ANAPC15: variants seen among roughly 807,000 people sequenced by gnomAD.
The protein encoded by ANAPC15 is anaphase promoting complex subunit 15, also known as anaphase-promoting complex subunit 15.
Under a neutral mutation model 19.8 loss-of-function variants are expected in ANAPC15, and 13 were observed. The observed-to-expected ratio is 0.66, with a 90% CI of 0.43 to 1.04. ANAPC15 has a LOEUF of 1.04. Ranked by LOEUF, ANAPC15 falls within the 50% of genes least tolerant of loss-of-function variation. The pLI is 0.00. For missense variants in ANAPC15, 88 were observed against 150.3 expected (o/e 0.59, Z 2.17); for synonymous variants, 45 against 50.7 (o/e 0.89, Z 0.47).
chr11:72,111,543 T>A (rs1946943952), intron 1 of ANAPC15, 47 bp from the exon 2 acceptor site: 1 of 322,136 alleles, frequency 3.1e-6, no homozygotes, highest in African/African-American at 2.1e-5. Flanking sequence ...AAAGTTATTC[T>A]GATAATTAAG....
At chr11:72,110,701 G>T in intron 3 of ANAPC15, 98 bp from the exon 4 acceptor site, 1 of 1,331,910 alleles carries the variant, frequency 7.5e-7, no homozygotes, top group Non-Finnish European at 1.1e-6. Flanking sequence ...ACCCACACGT[G>T]TTGGGGAGAA....
chr11:72,107,834 A>G (rs573743151), downstream of ANAPC15: 7 of 1,436,124 alleles, frequency 4.9e-6, no homozygotes, highest in Non-Finnish European at 6.7e-6. Flanking sequence ...TGGGAGCTGC[A>G]GTGAGGCAGG....
chr11:72,110,692 C>T, intron 3 of ANAPC15, 89 bp from the exon 4 acceptor site: 1 of 1,431,086 alleles, frequency 7.0e-7, no homozygotes, highest in South Asian at 1.2e-5. Context: ...CAGAAGACAA[C>T]CCACACGTGT....
intron 4 of ANAPC15, 66 bp from the exon 5 acceptor site, chr11:72,110,291 C>T: frequency 6.2e-7 from 1 of 1,604,992 alleles, no homozygotes; most frequent in Non-Finnish European, 8.5e-7. Flanking sequence ...AACTGACCCA[C>T]TTGAGCCTCT....
chr11:72,110,350 C>G lies in ANAPC15; in HGVS notation c.181-125G>C, dbSNP rs962791943. The G allele has an allele frequency of 1.9e-6, 3 of 1,567,354 alleles. No homozygotes were observed. The Admixed American group carries it at 5.2e-5, about 27-fold the overall frequency. Reference sequence around the variant, plus strand: ...CTACCCCGACACTCCCTCCTTGAGTCTAGCAGGCTGGTGCATGTTCTGCAG... The same window carrying G: ...CTACCCCGACACTCCCTCCTTGAGTGTAGCAGGCTGGTGCATGTTCTGCAG... On this transcript the variant is annotated intron_variant, in intron 4 of 5. Coordinates refer to ENST00000227618, the MANE Select transcript of ANAPC15 (RefSeq NM_014042.3).
At position 72,112,692 on chromosome 11, in the gene ANAPC15, A is replaced by T. The variant is rs956243793; in HGVS notation, c.-138T>A. 4.4e-6 allele frequency: 2 copies of T among 456,516 alleles called. No homozygotes were observed. The highest frequency in any genetic ancestry group is 4.7e-5 in the Admixed American group (2 of 42,562). The allele number at this position is 456,516 out of a possible 1,614,324, so 28.3% of individuals were successfully genotyped here. On this transcript the variant is annotated 5_prime_UTR_variant, in exon 1 of 6. Transcript: ENST00000227618. Reference sequence around the variant, plus strand: ...GCCGGCGGCGACCCGGAAGCGCTTCACCCAGCCTGAGCGGAAGAACCCACC... The same window carrying T: ...GCCGGCGGCGACCCGGAAGCGCTTCTCCCAGCCTGAGCGGAAGAACCCACC...
At chr11:72,109,429 C>A, downstream of ANAPC15, 2 of 440,864 alleles carry the variant, frequency 4.5e-6, no homozygotes, top group South Asian at 3.2e-5. Context: ...TGGCACAGAA[C>A]CCTGGACCCA....
rs780157398 is a variant in ANAPC15 at position 72,110,214 on chromosome 11, G to A, written c.192C>T (p.Asp64=). The A allele has an allele frequency of 9.0e-5, 146 of 1,613,508 alleles. 4 individuals are homozygous for A. The South Asian group carries it at 1.3e-3, about 14-fold the overall frequency. ...CATCTTCATCATCCTCTTCTTCCTCGTCATCATAGTGCTGGTGGGCAGGAC... is the reference window on the plus strand; with the variant it reads ...CATCTTCATCATCCTCTTCTTCCTCATCATCATAGTGCTGGTGGGCAGGAC... ...IGKPASEHYD[D]EEEEDDEDDE... The change falls in exon 5 of 6, where the codon GAC becomes GAT. Residue 64 remains aspartate, a synonymous_variant. Coordinates refer to ENST00000227618, the MANE Select transcript of ANAPC15 (RefSeq NM_014042.3).
In ANAPC15 at chr11:72,109,866, C is replaced by T. The variant is rs568489908; in HGVS notation, c.*15G>A. 14 of 1,613,200 alleles carry T rather than the reference C, an allele frequency of 8.7e-6. No individual in the cohort carries two copies. In the East Asian group the frequency reaches 2.0e-4, roughly 23 times the overall value. On this transcript the variant is annotated 3_prime_UTR_variant, in exon 6 of 6. Transcript: ENST00000227618. ...CTGGCCTGGAATCTCCCTGAGGCCACCCTGCCTTGTCTACCTAGATCATCC... is the reference window on the plus strand; with the variant it reads ...CTGGCCTGGAATCTCCCTGAGGCCATCCTGCCTTGTCTACCTAGATCATCC...
rs770561386 is a variant in ANAPC15 at position 72,110,142 on chromosome 11, G to A, written c.264C>T (p.Asp88=). 137 of 1,614,002 alleles carry A rather than the reference G, an allele frequency of 8.5e-5. No individual in the cohort carries two copies. Among genetic ancestry groups the A allele is most frequent in the Middle Eastern group, 1.6e-4 (1 of 6,084 alleles). Residue 88 remains aspartate, a synonymous_variant, in exon 5 of 6, where the codon GAC becomes GAT. Coordinates refer to ENST00000227618, the MANE Select transcript of ANAPC15 (RefSeq NM_014042.3). ...CATTGTAGTCATTCATCTCGTCCATGTCCTGCATATCCTCATCATCCTCTG... is the reference window on the plus strand; with the variant it reads ...CATTGTAGTCATTCATCTCGTCCATATCCTGCATATCCTCATCATCCTCTG... The part of the protein sequence containing the change: ...EDSEDDEDMQ[D]MDEMNDYNES...
At chr11:72,110,720 C>A in intron 3 of ANAPC15, 117 bp from the exon 4 acceptor site, 2 of 1,087,342 alleles carry the variant, frequency 1.8e-6, no homozygotes, top group Admixed American at 2.4e-5. Context: ...AAGCTTCCTC[C>A]CAGTTCTCAG....
chr11:72,109,094 G>A, downstream of ANAPC15: 1 of 621,160 alleles, frequency 1.6e-6, no homozygotes, highest in South Asian at 2.1e-5. Context: ...GACCTCAAGT[G>A]TCAAGTTCTA....
downstream of ANAPC15, chr11:72,107,110 T>A (rs28575037): frequency 4.0e-5 from 12 of 303,712 alleles, no homozygotes; most frequent in Admixed American, 2.1e-4. Flanking sequence ...CTACAAAAAA[T>A]TTAAAAATTA....
downstream of ANAPC15, chr11:72,108,888 A>C: frequency 3.9e-6 from 6 of 1,549,592 alleles, no homozygotes; most frequent in Non-Finnish European, 5.2e-6. Flanking sequence ...GCCATCAAGG[A>C]TGGAATAGCT....
At position 72,109,743 on chromosome 11, in the gene ANAPC15, C is replaced by A. The variant is rs900158154; in HGVS notation, c.*138G>T. On this transcript the variant is annotated 3_prime_UTR_variant, in exon 6 of 6. Transcript: ENST00000227618. Reference sequence around the variant, plus strand: ...AGGGGCCAAAGAGACCAGATCCTGGCAGCAGCTGAGGAGGTGCCCAAGGGC... The same window carrying A: ...AGGGGCCAAAGAGACCAGATCCTGGAAGCAGCTGAGGAGGTGCCCAAGGGC... 14 of 1,025,914 alleles carry A rather than the reference C, an allele frequency of 1.4e-5. No individual in the cohort carries two copies. In the African/African-American group the frequency reaches 2.0e-4, roughly 15 times the overall value. The allele number at this position is 1,025,914 out of a possible 1,614,324, so 63.6% of individuals were successfully genotyped here.
chr11:72,107,955 GC>G (rs1465856050), downstream of ANAPC15: 2 of 1,551,684 alleles, frequency 1.3e-6, no homozygotes. Context: ...GGAGGAGAAG[GC>G]CCCTGCTTGT....
chr11:72,112,766 TC>T, upstream of ANAPC15: 1 of 456,310 alleles, frequency 2.2e-6, no homozygotes, highest in Non-Finnish European at 4.4e-6. Context: ...CCTTTTGTTT[TC>T]CCCGCTCCCG....
At chr11:72,112,441 T>C (rs573796251) in intron 1 of ANAPC15, 210 of 264,956 alleles carry the variant, frequency 7.9e-4, no homozygotes, top group Non-Finnish European at 1.3e-3. Context: ...AAATGCTGGG[T>C]GACAGGAAGT....
chr11:72,108,602 C>T, downstream of ANAPC15: 3 of 1,453,372 alleles, frequency 2.1e-6, no homozygotes, highest in South Asian at 2.9e-5. Context: ...CCTATCCCCA[C>T]AGGTGGAGCT....
Sources: allele counts gnomAD v4.1 joint callset, GRCh38; gene constraint gnomAD v4.1.1; transcripts MANE v1.5; gene names NCBI Gene and HGNC (gene_info 2026-07-23, HGNC 2026-07-21).